RANGAP1: variants seen among roughly 807,000 people sequenced by gnomAD.
RANGAP1 encodes Ran GTPase activating protein 1.
Under a neutral mutation model 63.5 loss-of-function variants are expected in RANGAP1, and 38 were observed. The ratio of observed to expected loss-of-function variants is 0.60; its 90% CI spans 0.46 to 0.78. The LOEUF (loss-of-function observed/expected upper bound fraction) is 0.78. Among genes scored for constraint, RANGAP1 ranks in the 30% least tolerant of loss-of-function variants. The pLI, the probability that RANGAP1 is intolerant of heterozygous loss-of-function variation, is 0.00. For synonymous variants in RANGAP1, 329 were observed against 310.5 expected, an observed-to-expected ratio of 1.06 and a Z score of -0.63; for missense variants, 630 against 740.3, an observed-to-expected ratio of 0.85 and a Z score of 1.73.
intron 5 of RANGAP1, among the ~76,000 whole-genome samples, chr22:41,263,637 G>A (rs941735493): frequency 2.6e-5 from 4 of 152,168 alleles, no homozygotes; most frequent in East Asian, 1.9e-4. Context: ...TGCCCGACTC[G>A]GCCTCCCAAA....
intron 14 of RANGAP1, 100 bp downstream of exon 14, chr22:41,249,629 C>G: frequency 6.5e-7 from 1 of 1,532,728 alleles, no homozygotes; most frequent in South Asian, 1.1e-5. Context: ...CGAGCCGGCT[C>G]AGGACTCGAG....
At chr22:41,270,124 C>T (rs570842416) in intron 3 of RANGAP1, among the ~76,000 whole-genome samples, 4 of 150,794 alleles carry the variant, frequency 2.7e-5, no homozygotes, top group African/African-American at 7.3e-5. Context: ...CGTGAGCCAC[C>T]GTGCCCGGCC....
intron 2 of RANGAP1, chr22:41,277,603 G>T: frequency 2.3e-6 from 2 of 864,562 alleles, no homozygotes; most frequent in Admixed American, 3.2e-5. Context: ...TCTTGAGAAA[G>T]GACTTATAAC....
Position 41,254,932 on chromosome 22 carries a change from A to T in RANGAP1, c.1074-438T>A, listed in dbSNP as rs192305665. 4.0e-3 allele frequency among the ~76,000 whole-genome samples: 609 copies of T among 151,756 alleles called. 6 individuals are homozygous for T. Among genetic ancestry groups the T allele is most frequent in the Non-Finnish European group, 6.1e-3 (415 of 67,920 alleles). On this transcript the variant is annotated intron_variant, in intron 10 of 15. Transcript: ENST00000356244. ...GCTGGCAGTGAGCCGAAATTGTGCC[A>T]CTGCACTCTAGCCTGGGCAACAGAG...
At chr22:41,253,707 C>T (rs982826540) in intron 11 of RANGAP1, among the ~76,000 whole-genome samples, 4 of 152,152 alleles carry the variant, frequency 2.6e-5, no homozygotes, top group African/African-American at 7.2e-5. Flanking sequence ...TCTATTTATG[C>T]TTATTTGTTT....
chr22:41,276,986 GAA>G (rs762582801), intron 2 of RANGAP1, among the ~76,000 whole-genome samples: 4 of 56,030 alleles, frequency 7.1e-5, no homozygotes, highest in Non-Finnish European at 1.1e-4. Flanking sequence ...CTGTTTCTCA[GAA>G]AAAAAAAAAA....
At chr22:41,270,052 C>T (rs1467953293) in intron 3 of RANGAP1, among the ~76,000 whole-genome samples, 1 of 151,872 alleles carries the variant, frequency 6.6e-6, no homozygotes, top group Admixed American at 6.6e-5. Context: ...CCAAGCTGGT[C>T]TTGAACTCTC....
In RANGAP1 at chr22:41,255,449, C is replaced by G. The variant is rs955206777; in HGVS notation, c.1073+572G>C. The stretch of plus-strand genomic sequence containing the variant: ...CCACCCACCTTCACCTCCAGGTAGA[C>G]TCCCCAGGCCCCATGGTCTCTTCCT... On this transcript the variant is annotated intron_variant, in intron 10 of 15. Coordinates refer to ENST00000356244, the MANE Select transcript of RANGAP1 (RefSeq NM_002883.4). Among the ~76,000 whole-genome samples the G allele has an allele frequency of 2.6e-5, 4 of 152,210 alleles. No homozygotes were observed. In the East Asian group the frequency reaches 7.7e-4, roughly 29 times the overall value.
At chr22:41,248,573 G>A (rs576389316) in intron 15 of RANGAP1, among the ~76,000 whole-genome samples, 8 of 152,352 alleles carry the variant, frequency 5.3e-5, no homozygotes, top group African/African-American at 1.4e-4. Flanking sequence ...GGATGGCGCC[G>A]ACTGACTGGA....
chr22:41,249,696 C>T (rs1159491977), intron 14 of RANGAP1, 33 bp downstream of exon 14: 1 of 1,589,994 alleles, frequency 6.3e-7, no homozygotes, highest in Admixed American at 1.7e-5. Context: ...CCACCCACCT[C>T]CCTCCCGGGC....
Position 41,252,979 on chromosome 22 carries a change from CG to C in RANGAP1, c.1272del (p.Val425CysfsTer25), listed in dbSNP as rs1209667333. On this transcript the variant is annotated frameshift_variant, in exon 12 of 16. Transcript: ENST00000356244. LOFTEE classifies it high-confidence loss of function. The stretch of plus-strand genomic sequence containing the variant: ...TCTGCAGGAGGTGGGGAGGACAGCA[CG>C]GGAGCTGGCTCCTGGGAAGTAGGGG... ...ILDPNTGEPA[P>X]VLSSPPPADV... is the part of the protein sequence containing the mutation. The C allele has an allele frequency of 4.6e-6, 7 of 1,506,034 alleles. No individual in the cohort carries two copies. In the Admixed American group the frequency reaches 7.1e-5, roughly 15 times the overall value. The allele number at this position is 1,506,034 out of a possible 1,614,324, so 93.3% of individuals were successfully genotyped here.
At position 41,246,792 on chromosome 22, in the gene RANGAP1, A is replaced by C. The variant is rs1000427655; in HGVS notation, c.1695-120T>G. The stretch of plus-strand genomic sequence containing the variant: ...TTTGCACAACGACTCAGCAAGAGAG[A>C]CATTAGCCCTCTGCCTTCTGCACAC... On this transcript the variant is annotated intron_variant, in intron 15 of 15. Coordinates refer to ENST00000356244, the MANE Select transcript of RANGAP1 (RefSeq NM_002883.4). 47 of 947,688 alleles carry C rather than the reference A, an allele frequency of 5.0e-5. 2 individuals carry two copies. In the Admixed American group the frequency reaches 9.1e-4, roughly 18 times the overall value. 58.7% of individuals were successfully genotyped at this position (947,688 alleles called of 1,614,324 possible).
Position 41,251,066 on chromosome 22 carries a change from T to C in RANGAP1, c.1424A>G (p.Lys475Arg). 2 of 1,614,060 alleles carry C rather than the reference T, an allele frequency of 1.2e-6. No individual in the cohort carries two copies. The highest frequency in any genetic ancestry group is 1.7e-6 in the Non-Finnish European group (2 of 1,179,988). Reference sequence around the variant, plus strand: ...TTCGTCCTTGAACACAGATGACACCTTTAGGAAGGCAGAGACCACCTTCTC... The same window carrying C: ...TTCGTCCTTGAACACAGATGACACCCTTAGGAAGGCAGAGACCACCTTCTC... The part of the protein sequence containing the change: ...DPEKVVSAFL[K>R]VSSVFKDEAT... Residue 475 changes from lysine (K) to arginine (R), a missense_variant, in exon 13 of 16, where the codon AAG (lysine) becomes AGG (arginine). Lys to Arg is a conservative substitution (Grantham distance 26, BLOSUM62 2). Transcript: ENST00000356244.
At chr22:41,250,754 C>T (rs149702096) in intron 13 of RANGAP1, among the ~76,000 whole-genome samples, 119 of 152,170 alleles carry the variant, frequency 7.8e-4, no homozygotes, top group African/African-American at 2.7e-3. Flanking sequence ...CTTCCTAGAG[C>T]GGGCTATGGG....
chr22:41,275,781 G>GA (rs71200679), intron 2 of RANGAP1, among the ~76,000 whole-genome samples: 38,264 of 139,756 alleles, frequency 0.27, 6,291 homozygotes, highest in Admixed American at 0.5. Context: ...TCTGTCTCAA[G>GA]AAAAAAAAAA....
At chr22:41,288,641 G>A (rs2035800871), upstream of RANGAP1, among the ~76,000 whole-genome samples, 1 of 152,140 alleles carries the variant, frequency 6.6e-6, no homozygotes, top group African/African-American at 2.4e-5. Flanking sequence ...GAAGAGGAAG[G>A]TGGGCAGGGG....
At position 41,261,447 on chromosome 22, in the gene RANGAP1, C is replaced by T. The variant is rs528259369; in HGVS notation, c.614G>A (p.Arg205Lys). 6.2e-7 allele frequency: 1 copy of T among 1,614,216 alleles called. No individual in the cohort carries two copies. The highest frequency in any genetic ancestry group is 2.2e-5 in the East Asian group (1 of 44,886). The change falls in exon 6 of 16, where the codon AGG (arginine) becomes AAG (lysine). Residue 205 changes from arginine (R) to lysine (K), a missense_variant and splice_region_variant. Transcript: ENST00000356244. The stretch of plus-strand genomic sequence containing the variant: ...GCAGGATGGACAGAAACCACTCACC[C>T]TAAAAGCTTCTGCCAAGGCAGTGGC... ...DGATALAEAF[R>K]VIGTLEEVHM... is the part of the protein sequence containing the mutation.
At chr22:41,256,314 A>G in intron 8 of RANGAP1, 24 bp from the exon 9 acceptor site, 1 of 1,610,070 alleles carries the variant, frequency 6.2e-7, no homozygotes, top group Non-Finnish European at 8.5e-7. Context: ...GAAGGGTTGG[A>G]GGCAGGCAGA....
chr22:41,249,274 C>G, intron 15 of RANGAP1, 56 bp downstream of exon 15: 2 of 1,533,856 alleles, frequency 1.3e-6, no homozygotes, highest in Non-Finnish European at 1.7e-6. Context: ...GCCTTCAGAC[C>G]TGGCCAGAGA....
Sources: allele counts gnomAD v4.1 joint callset (sites outside exome capture counted in the v4.1 genomes callset), GRCh38; gene constraint gnomAD v4.1.1; transcripts MANE v1.5; gene names NCBI Gene and HGNC (gene_info 2026-07-23, HGNC 2026-07-21).